The following MPHOSPH9 variants were observed in gnomAD, a reference collection of about 807,000 sequenced individuals.
MPHOSPH9 encodes M-phase phosphoprotein 9.
In MPHOSPH9, 88 loss-of-function variants were observed where a neutral mutation model predicts 145.5. The observed-to-expected ratio is 0.60, with a 90% CI of 0.51 to 0.72. The LOEUF (loss-of-function observed/expected upper bound fraction) is 0.72, where lower values mean the gene tolerates loss of function less well. Among genes scored for constraint, MPHOSPH9 ranks in the 30% least tolerant of loss-of-function variants. The probability of loss-of-function intolerance (pLI) is 0.00; values close to 1 mark genes in which losing one functional copy is unlikely to be tolerated. For synonymous variants in MPHOSPH9, 435 were observed against 486.2 expected (o/e 0.89, Z 1.39); for missense variants, 1,238 against 1,386.6 (o/e 0.89, Z 1.70).
intron 8 of MPHOSPH9, among the ~76,000 whole-genome samples, chr12:123,204,032 A>G (rs546368881): frequency 1.6e-4 from 24 of 151,206 alleles, no homozygotes; most frequent in South Asian, 2.2e-4. Flanking sequence ...GGCTAGGCGC[A>G]GTGGCTCATG....
At chr12:123,172,815 G>C (rs2138004301) in intron 16 of MPHOSPH9, among the ~76,000 whole-genome samples, 1 of 146,918 alleles carries the variant, frequency 6.8e-6, no homozygotes. Context: ...TGTCATGCTT[G>C]AGTGTATGAC....
chr12:123,240,403 CA>C (rs2047913993), intron 1 of MPHOSPH9: 3 of 152,096 alleles, frequency 2.0e-5, no homozygotes, highest in Admixed American at 1.3e-4. Flanking sequence ...CCTAGTGAAC[CA>C]GCATCACAAG....
At chr12:123,171,249 T>C (rs1313939552) in intron 16 of MPHOSPH9, among the ~76,000 whole-genome samples, 1 of 150,150 alleles carries the variant, frequency 6.7e-6, no homozygotes, top group Non-Finnish European at 1.5e-5. Context: ...AGGTCAGGAG[T>C]TCGAGACCAG....
At chr12:123,184,559 G>A (rs532224103) in intron 13 of MPHOSPH9, among the ~76,000 whole-genome samples, 52 of 150,954 alleles carry the variant, frequency 3.4e-4, no homozygotes, top group African/African-American at 7.6e-4. Flanking sequence ...GTGCAGTAGC[G>A]TGATCTCTAC....
At position 123,218,385 on chromosome 12, in the gene MPHOSPH9, T is replaced by G. The variant is rs2047059186; in HGVS notation, c.987A>C (p.Pro329=). The change falls in exon 6 of 24, where the codon CCA becomes CCC. Residue 329 remains proline (P), a synonymous_variant. Coordinates refer to ENST00000606320, the MANE Select transcript of MPHOSPH9 (RefSeq NM_022782.4). ...KQGNEQSKKT[P]IEKSDFAAAT... ...GTGACTAGTCACCTACTTTCTCAAT[T>G]GGTGTCTTCTTACTTTGCTCATTTC... The G allele has an allele frequency of 6.2e-7, 1 of 1,614,070 alleles. No homozygotes were observed. Among genetic ancestry groups the G allele is most frequent in the Non-Finnish European group, 8.5e-7 (1 of 1,179,924 alleles).
At chr12:123,170,281 G>C (rs2044520992) in intron 16 of MPHOSPH9, among the ~76,000 whole-genome samples, 1 of 151,890 alleles carries the variant, frequency 6.6e-6, no homozygotes, top group South Asian at 2.1e-4. Flanking sequence ...TAGCTGGGAT[G>C]ACAGCTGCGT....
At chr12:123,174,514 A>G (rs1385482275) in intron 16 of MPHOSPH9, among the ~76,000 whole-genome samples, 1 of 151,832 alleles carries the variant, frequency 6.6e-6, no homozygotes, top group East Asian at 1.9e-4. Context: ...CTGGGACTAC[A>G]GGCGCCCGCC....
chr12:123,197,260 C>T (rs751244882), intron 12 of MPHOSPH9, among the ~76,000 whole-genome samples: 12 of 151,954 alleles, frequency 7.9e-5, no homozygotes, highest in Non-Finnish European at 1.5e-4. Context: ...ATGATCCCTG[C>T]AGCCTCAACT....
chr12:123,166,487 A>C, intron 17 of MPHOSPH9, 168 bp downstream of exon 17: 1 of 777,004 alleles, frequency 1.3e-6, no homozygotes, highest in South Asian at 1.7e-5. Context: ...AGCTCATGGA[A>C]GTAAAATATT....
chr12:123,182,353 A>G (rs2045221529), intron 13 of MPHOSPH9, among the ~76,000 whole-genome samples: 1 of 147,972 alleles, frequency 6.8e-6, no homozygotes, highest in Non-Finnish European at 1.5e-5. Context: ...TCCTGGGTTC[A>G]AGCAATTCTC....
chr12:123,239,648 C>G (rs1280659649), intron 1 of MPHOSPH9, among the ~76,000 whole-genome samples: 1 of 152,116 alleles, frequency 6.6e-6, no homozygotes, highest in South Asian at 2.1e-4. Flanking sequence ...ATGATCTGCC[C>G]GCCTTGGCCT....
chr12:123,175,655 C>A (rs2044822173), intron 16 of MPHOSPH9, among the ~76,000 whole-genome samples: 1 of 132,112 alleles, frequency 7.6e-6, no homozygotes, highest in Admixed American at 7.7e-5. Flanking sequence ...CCCACCCTGC[C>A]CACCCTCCCA....
At position 123,223,023 on chromosome 12, in the gene MPHOSPH9, TA is replaced by T. The variant is rs2047278470; in HGVS notation, c.348+14del. On this transcript the variant is annotated intron_variant, in intron 4 of 23. Coordinates refer to ENST00000606320, the MANE Select transcript of MPHOSPH9 (RefSeq NM_022782.4). ...ATGTATATAAAAAAAGGAATCAATG[TA>T]AATGGTAACTTACTTGAATTTGGTT... 6.7e-7 allele frequency: 1 copy of T among 1,485,638 alleles called. No homozygotes were observed. Among genetic ancestry groups the T allele is most frequent in the Non-Finnish European group, 9.0e-7 (1 of 1,109,350 alleles). 92.0% of individuals were successfully genotyped at this position (1,485,638 alleles called of 1,614,324 possible).
chr12:123,214,975 A>T (rs1252839849), intron 6 of MPHOSPH9, 141 bp from the exon 7 acceptor site: 1 of 653,896 alleles, frequency 1.5e-6, no homozygotes, highest in East Asian at 2.7e-5. Flanking sequence ...CAGGCGTGAT[A>T]GCTCACGCCT....
intron 2 of MPHOSPH9, among the ~76,000 whole-genome samples, chr12:123,229,025 C>T (rs2047536643): frequency 3.3e-5 from 5 of 152,136 alleles, no homozygotes; most frequent in Admixed American, 2.0e-4. Context: ...TCACATATTC[C>T]TTTGTTTTTT....
rs1593046815 is a variant in MPHOSPH9 at position 123,156,649 on chromosome 12, T to C, written c.*158A>G. 8.7e-6 allele frequency: 4 copies of C among 458,502 alleles called. No individual in the cohort carries two copies. Among genetic ancestry groups the C allele is most frequent in the Admixed American group, 7.3e-5 (2 of 27,302 alleles). The allele number at this position is 458,502 out of a possible 1,614,324, so 28.4% of individuals were successfully genotyped here. On this transcript the variant is annotated 3_prime_UTR_variant, in exon 24 of 24. Transcript: ENST00000606320. ...ATAACAAAAATATCTTGAAAATATG[T>C]GGCCATTTGAAGTATAAAATAGCAA...
At chr12:123,215,220 C>T (rs1420587862) in intron 6 of MPHOSPH9, among the ~76,000 whole-genome samples, 2 of 151,700 alleles carry the variant, frequency 1.3e-5, no homozygotes, top group Admixed American at 6.6e-5. Context: ...CTAGCCTGGG[C>T]AACAGAGCAA....
In MPHOSPH9 at chr12:123,210,058, GGT is replaced by G; in HGVS notation, c.1190_1191del (p.Asn397ThrfsTer3). 1 of 1,604,420 alleles carries G rather than the reference GGT, an allele frequency of 6.2e-7. No homozygotes were observed. The highest frequency in any genetic ancestry group is 8.5e-7 in the Non-Finnish European group (1 of 1,174,680). ...GCCACCGTGTGTTTTTAAATTACCTGGTTTGGTGACACATCTGTGGAAGACAA... is the reference window on the plus strand; with the variant it reads ...GCCACCGTGTGTTTTTAAATTACCTGTTGGTGACACATCTGTGGAAGACAA... Reference protein sequence around the residue: ...ISLSSTDVSPNQSNTSNEMKL... With the variant: ...ISLSSTDVSPXQSNTSNEMKL... On this transcript the variant is annotated frameshift_variant, in exon 8 of 24. Transcript: ENST00000606320. LOFTEE classifies it high-confidence loss of function.
rs181921782 is a variant in MPHOSPH9, at chr12:123,210,645, T to C, written c.1088-483A>G. On this transcript the variant is annotated intron_variant, in intron 7 of 23. Coordinates refer to ENST00000606320, the MANE Select transcript of MPHOSPH9 (RefSeq NM_022782.4). Reference sequence around the variant, plus strand: ...AGACAGAGGTTGTAGTGAGCTGAGATGGTGCCACTGCACTCCAGCCTGAGT... The same window carrying C: ...AGACAGAGGTTGTAGTGAGCTGAGACGGTGCCACTGCACTCCAGCCTGAGT... Among the ~76,000 whole-genome samples, 6 of 152,102 alleles carry C rather than the reference T, an allele frequency of 3.9e-5. No homozygotes were observed. In the East Asian group the frequency reaches 9.7e-4, roughly 25 times the overall value.
Sources: gnomAD v4.1 joint callset for allele counts (sites outside exome capture counted in the v4.1 genomes callset) on GRCh38, gnomAD v4.1.1 for gene constraint, MANE v1.5 for transcripts, NCBI Gene and HGNC (gene_info 2026-07-23, HGNC 2026-07-21) for gene names.